Variants in GALNT17 observed in about 807,000 individuals in gnomAD.
GALNT17 encodes polypeptide N-acetylgalactosaminyltransferase 17, also known as UDP-GalNAc:polypeptide N-acetylgalactosaminyltransferase-like 3.
GALNT17 carries 29 observed loss-of-function variants against 63.7 expected under a neutral mutation model. The ratio of observed to expected loss-of-function variants is 0.46; its 90% CI spans 0.34 to 0.62. GALNT17 has a LOEUF of 0.62. Among genes scored for constraint, GALNT17 ranks in the 20% least tolerant of loss-of-function variants. The pLI, the probability that GALNT17 is intolerant of heterozygous loss-of-function variation, is 0.01. For synonymous variants in GALNT17, 305 were observed against 318.3 expected (o/e 0.96, Z 0.45); for missense variants, 603 against 799.6 (o/e 0.75, Z 2.97).
chr7:71,658,014 C>T (rs946584217), intron 6 of GALNT17, among the ~76,000 whole-genome samples: 5 of 152,086 alleles, frequency 3.3e-5, no homozygotes, highest in African/African-American at 4.8e-5. Flanking sequence ...AAGTGATCCT[C>T]CTGTCTCAGC....
At chr7:71,386,742 C>G (rs1792952757) in intron 2 of GALNT17, among the ~76,000 whole-genome samples, 1 of 152,174 alleles carries the variant, frequency 6.6e-6, no homozygotes, top group Admixed American at 6.5e-5. Context: ...GCAGGTTGTC[C>G]TGTCTCCTGT....
chr7:71,193,375 CAGGTGT>C (rs1562902206), intron 1 of GALNT17, among the ~76,000 whole-genome samples: 2 of 151,692 alleles, frequency 1.3e-5, no homozygotes, highest in African/African-American at 4.8e-5. Context: ...GCTGGGATTA[CAGGTGT>C]AAGCCACCAC....
chr7:71,309,611 A>G (rs897265944), intron 1 of GALNT17, among the ~76,000 whole-genome samples: 9 of 152,300 alleles, frequency 5.9e-5, no homozygotes, highest in African/African-American at 2.2e-4. Flanking sequence ...TTCAAGAATT[A>G]TTTGAGATAG....
chr7:71,538,753 C>T lies in GALNT17; in HGVS notation c.963-32532C>T, dbSNP rs140221273. 2.9e-3 allele frequency among the ~76,000 whole-genome samples: 441 copies of T among 151,910 alleles called. 1 individual carries two copies. Among genetic ancestry groups the T allele is most frequent in the Middle Eastern group, 0.01 (3 of 294 alleles). On this transcript the variant is annotated intron_variant, in intron 5 of 10. Transcript: ENST00000333538. ...GCTCAGGAGCTGAGCCCTTGGAACT[C>T]TTATGTCCTCTGTTGCTGGTCTCAT...
intron 1 of GALNT17, among the ~76,000 whole-genome samples, chr7:71,207,670 G>C (rs1002414131): frequency 6.6e-6 from 1 of 152,066 alleles, no homozygotes; most frequent in Non-Finnish European, 1.5e-5. Context: ...AGTGTCACTC[G>C]CACCTGGAAT....
intron 2 of GALNT17, among the ~76,000 whole-genome samples, chr7:71,359,490 A>G (rs540425634): frequency 3.3e-5 from 5 of 152,228 alleles, no homozygotes; most frequent in Non-Finnish European, 7.4e-5. Context: ...CCATGACCCA[A>G]ACACCTTCCA....
At position 71,481,698 on chromosome 7, in the gene GALNT17, G is replaced by A. The variant is rs565770764; in HGVS notation, c.962+60593G>A. On this transcript the variant is annotated intron_variant, in intron 5 of 10. Transcript: ENST00000333538. ...TGCTGCAACTCCACCTGCCCCTGGA[G>A]CCCCTCCAGGTTCTCCCACAGCTGG... Among the ~76,000 whole-genome samples, 23 of 152,166 alleles carry A rather than the reference G, an allele frequency of 1.5e-4. No homozygotes were observed. The South Asian group carries it at 4.8e-3, about 32-fold the overall frequency.
chr7:71,407,516 G>A (rs1480492944), intron 3 of GALNT17, among the ~76,000 whole-genome samples: 2 of 152,166 alleles, frequency 1.3e-5, no homozygotes, highest in Non-Finnish European at 2.9e-5. Flanking sequence ...GGGAGGCTAA[G>A]GCAGGAGCAT....
intron 8 of GALNT17, among the ~76,000 whole-genome samples, chr7:71,672,573 C>CT (rs55921309): frequency 0.18 from 27,158 of 151,904 alleles, 3,371 homozygotes; most frequent in East Asian, 0.58. Flanking sequence ...TAATTTTTTT[C>CT]TTTTTTTTGA....
chr7:71,281,419 G>T (rs776279463), intron 1 of GALNT17, among the ~76,000 whole-genome samples: 2 of 152,162 alleles, frequency 1.3e-5, no homozygotes, highest in Non-Finnish European at 2.9e-5. Context: ...CAGGAAAATA[G>T]CCCATTTCCT....
At chr7:71,416,983 T>C (rs1786545142) in intron 4 of GALNT17, among the ~76,000 whole-genome samples, 1 of 152,164 alleles carries the variant, frequency 6.6e-6, no homozygotes, top group African/African-American at 2.4e-5. Context: ...GCCAGAATCA[T>C]GTTAAAATTG....
At chr7:71,140,087 C>A (rs1290690191) in intron 1 of GALNT17, among the ~76,000 whole-genome samples, 1 of 152,200 alleles carries the variant, frequency 6.6e-6, no homozygotes, top group Admixed American at 6.5e-5. Flanking sequence ...CAGAGGTGGT[C>A]TGGTGTTATA....
chr7:71,624,586 A>AG (rs1425253642), intron 6 of GALNT17, among the ~76,000 whole-genome samples: 1 of 152,180 alleles, frequency 6.6e-6, no homozygotes, highest in Non-Finnish European at 1.5e-5. Flanking sequence ...CTCTGGTTTC[A>AG]GCTCCCCTTT....
At chr7:71,532,895 C>T (rs533045193) in intron 5 of GALNT17, among the ~76,000 whole-genome samples, 49 of 152,302 alleles carry the variant, frequency 3.2e-4, no homozygotes, top group African/African-American at 1.1e-3. Flanking sequence ...ACCATTTCTC[C>T]TCATTTTGGT....
At chr7:71,569,756 AT>A (rs35496954) in intron 5 of GALNT17, among the ~76,000 whole-genome samples, 14,649 of 150,818 alleles carry the variant, frequency 0.097, 1,361 homozygotes, top group East Asian at 0.5. Context: ...TATGCACCAC[AT>A]TTTTTTTTAA....
rs1681756362 is a variant in GALNT17, at chr7:71,132,323, G to C, written c.-480G>C. ...CGGCCGCCTGCGGGCCAAGGTGGGA[G>C]GCTGTGCGGCCCCAGGCGCGGCGCG... is the stretch of plus-strand genomic sequence containing the variant. On this transcript the variant is annotated 5_prime_UTR_variant, in exon 1 of 11. Coordinates refer to ENST00000333538, the MANE Select transcript of GALNT17 (RefSeq NM_022479.3). The C allele has an allele frequency of 6.6e-6, 1 of 151,950 alleles. No individual in the cohort carries two copies. Among genetic ancestry groups the C allele is most frequent in the African/African-American group, 2.4e-5 (1 of 41,424 alleles). The allele number at this position is 151,950 out of a possible 1,614,324, so 9.4% of individuals were successfully genotyped here.
Position 71,425,761 on chromosome 7 carries a change from T to A in GALNT17, c.962+4656T>A, listed in dbSNP as rs2960867. Reference sequence around the variant, plus strand: ...TTACACCGGCAGTGGGCACCTGTGGTATGTATTGTGGGTGCCATGGAGGAT... The same window carrying A: ...TTACACCGGCAGTGGGCACCTGTGGAATGTATTGTGGGTGCCATGGAGGAT... On this transcript the variant is annotated intron_variant, in intron 5 of 10. Transcript: ENST00000333538. Among the ~76,000 whole-genome samples, 1,273 of 152,244 alleles carry A rather than the reference T, an allele frequency of 8.4e-3. 16 individuals are homozygous for A. Among genetic ancestry groups the A allele is most frequent in the African/African-American group, 0.029 (1,222 of 41,546 alleles).
intron 3 of GALNT17, among the ~76,000 whole-genome samples, chr7:71,408,437 T>C (rs995493491): frequency 1.8e-4 from 27 of 152,080 alleles, no homozygotes; most frequent in African/African-American, 6.5e-4. Flanking sequence ...GGAGTGTTGA[T>C]AGAATTGTGG....
chr7:71,358,334 G>A (rs1792330733), intron 2 of GALNT17, among the ~76,000 whole-genome samples: 1 of 152,254 alleles, frequency 6.6e-6, no homozygotes, highest in African/African-American at 2.4e-5. Context: ...GGCGGAGGTT[G>A]TAGTGAGTCG....
Sources: allele counts gnomAD v4.1 joint callset (sites outside exome capture counted in the v4.1 genomes callset), GRCh38; gene constraint gnomAD v4.1.1; transcripts MANE v1.5; gene names NCBI Gene and HGNC (gene_info 2026-07-23, HGNC 2026-07-21).